ADAMTS3: variants seen among roughly 807,000 people sequenced by gnomAD.
ADAMTS3 encodes the protein A disintegrin and metalloproteinase with thrombospondin motifs 3.
Under a neutral mutation model 129.0 loss-of-function variants are expected in ADAMTS3, and 73 were observed. That is an observed-to-expected ratio of 0.57 (90% CI 0.47 to 0.69). ADAMTS3 has a LOEUF of 0.69. Among genes scored for constraint, ADAMTS3 ranks in the 30% least tolerant of loss-of-function variants. The pLI is 0.00. For missense variants in ADAMTS3, 1,457 were observed against 1,514.5 expected, an observed-to-expected ratio of 0.96 and a Z score of 0.63; for synonymous variants, 477 against 510.8, an observed-to-expected ratio of 0.93 and a Z score of 0.89.
intron 5 of ADAMTS3, among the ~76,000 whole-genome samples, chr4:72,323,492 T>C (rs1467637302): frequency 6.6e-6 from 1 of 152,098 alleles, no homozygotes; most frequent in Admixed American, 6.5e-5. Flanking sequence ...CAGCAAGCAT[T>C]TGCTTACTGG....
intron 3 of ADAMTS3, among the ~76,000 whole-genome samples, chr4:72,531,040 A>C (rs1179292606): frequency 1.3e-5 from 2 of 151,442 alleles, no homozygotes; most frequent in African/African-American, 4.8e-5. Context: ...AGAAATGCCA[A>C]TGCAGCTTCT....
At chr4:72,494,061 G>A (rs187438130) in intron 3 of ADAMTS3, among the ~76,000 whole-genome samples, 149 of 152,058 alleles carry the variant, frequency 9.8e-4, no homozygotes, top group Non-Finnish European at 1.3e-3. Context: ...AGTCTTCTTC[G>A]GGTTTATCAT....
At chr4:72,423,266 C>T (rs1218945854) in intron 3 of ADAMTS3, among the ~76,000 whole-genome samples, 1 of 151,994 alleles carries the variant, frequency 6.6e-6, no homozygotes, top group African/African-American at 2.4e-5. Context: ...GTTCATAGCA[C>T]AGAAATGCAT....
intron 5 of ADAMTS3, 52 bp from the exon 6 acceptor site, chr4:72,323,149 A>C: frequency 4.3e-6 from 6 of 1,411,076 alleles, no homozygotes; most frequent in Non-Finnish European, 6.0e-6. Context: ...CGAGGATTTC[A>C]TGAGATGTAC....
rs562950360 is a variant in ADAMTS3 at position 72,498,137 on chromosome 4, G to T, written c.504+50341C>A. Among the ~76,000 whole-genome samples, 431 of 152,136 alleles carry T rather than the reference G, an allele frequency of 2.8e-3. 4 individuals carry two copies. The highest frequency in any genetic ancestry group is 0.01 in the African/African-American group (418 of 41,556). ...CCGTATAACATATTAAGTAAAATGT[G>T]TCCTTTGTCTTAGAGAGCGAACACT... On this transcript the variant is annotated intron_variant, in intron 3 of 21. Coordinates refer to ENST00000286657, the MANE Select transcript of ADAMTS3 (RefSeq NM_014243.3).
intron 3 of ADAMTS3, among the ~76,000 whole-genome samples, chr4:72,450,272 T>A (rs1198885171): frequency 6.6e-6 from 1 of 151,666 alleles, no homozygotes; most frequent in Non-Finnish European, 1.5e-5. Flanking sequence ...TTTTTTCATT[T>A]CACAGATGCA....
At chr4:72,372,720 C>T (rs1721040596) in intron 4 of ADAMTS3, among the ~76,000 whole-genome samples, 1 of 151,838 alleles carries the variant, frequency 6.6e-6, no homozygotes, top group Admixed American at 6.6e-5. Context: ...ATACCAAAAA[C>T]ATCAGATAAC....
intron 3 of ADAMTS3, among the ~76,000 whole-genome samples, chr4:72,477,780 T>C (rs1278312173): frequency 6.6e-6 from 1 of 151,646 alleles, no homozygotes; most frequent in African/African-American, 2.4e-5. Context: ...ATCAACAAAA[T>C]TGATAGACCA....
chr4:72,334,152 C>T (rs1719925780), intron 5 of ADAMTS3, among the ~76,000 whole-genome samples: 1 of 152,058 alleles, frequency 6.6e-6, no homozygotes, highest in Non-Finnish European at 1.5e-5. Flanking sequence ...TTTTCTTAAT[C>T]ATCATGTCTA....
intron 4 of ADAMTS3, among the ~76,000 whole-genome samples, chr4:72,370,198 C>T (rs564020195): frequency 4.6e-5 from 7 of 152,198 alleles, no homozygotes; most frequent in East Asian, 1.9e-4. Context: ...TCCCAGCCTG[C>T]GCCGAAGATT....
At chr4:72,405,494 G>T (rs1360610663) in intron 4 of ADAMTS3, among the ~76,000 whole-genome samples, 2 of 152,094 alleles carry the variant, frequency 1.3e-5, no homozygotes, top group African/African-American at 2.4e-5. Flanking sequence ...AAGAGAGAAA[G>T]AATTTTCTTA....
intron 2 of ADAMTS3, among the ~76,000 whole-genome samples, chr4:72,564,030 G>C (rs908108638): frequency 6.6e-5 from 10 of 152,130 alleles, no homozygotes; most frequent in African/African-American, 2.4e-4. Flanking sequence ...AGATATCTGA[G>C]AGAGTAAGAT....
chr4:72,453,953 T>G (rs1464633903), intron 3 of ADAMTS3, among the ~76,000 whole-genome samples: 1 of 146,406 alleles, frequency 6.8e-6, no homozygotes, highest in Non-Finnish European at 1.5e-5. Context: ...ATGCACAAAC[T>G]TTTTATCCAA....
chr4:72,437,359 T>C (rs952851491), intron 3 of ADAMTS3, among the ~76,000 whole-genome samples: 4 of 151,764 alleles, frequency 2.6e-5, no homozygotes, highest in African/African-American at 9.7e-5. Flanking sequence ...CATCGAAAAT[T>C]TATCAACCAA....
intron 4 of ADAMTS3, among the ~76,000 whole-genome samples, chr4:72,401,284 G>A (rs1231263689): frequency 6.6e-6 from 1 of 151,728 alleles, no homozygotes; most frequent in African/African-American, 2.4e-5. Flanking sequence ...AATATGCTAT[G>A]GGCTGGGCAC....
At chr4:72,488,511 G>C (rs1200051170) in intron 3 of ADAMTS3, among the ~76,000 whole-genome samples, 1 of 151,774 alleles carries the variant, frequency 6.6e-6, no homozygotes, top group Non-Finnish European at 1.5e-5. Context: ...ATGATCCATT[G>C]CTCATCACTT....
intron 3 of ADAMTS3, among the ~76,000 whole-genome samples, chr4:72,463,971 CG>C (rs1259322801): frequency 6.6e-6 from 1 of 151,848 alleles, no homozygotes; most frequent in Non-Finnish European, 1.5e-5. Flanking sequence ...GCTAAAGGGG[CG>C]CCCATCTCTG....
At chr4:72,307,903 A>G (rs539026439) in intron 15 of ADAMTS3, among the ~76,000 whole-genome samples, 9 of 151,940 alleles carry the variant, frequency 5.9e-5, no homozygotes, top group Non-Finnish European at 1.2e-4. Flanking sequence ...TGACAGATGA[A>G]AATTTTCTAA....
chr4:72,448,038 A>G (rs1248131731), intron 3 of ADAMTS3, among the ~76,000 whole-genome samples: 1 of 151,564 alleles, frequency 6.6e-6, no homozygotes, highest in East Asian at 2.0e-4. Flanking sequence ...TCACTTGATC[A>G]CTCACCTGTC....
Sources: gnomAD v4.1 joint callset for allele counts (sites outside exome capture counted in the v4.1 genomes callset) on GRCh38, gnomAD v4.1.1 for gene constraint, MANE v1.5 for transcripts, NCBI Gene and HGNC (gene_info 2026-07-23, HGNC 2026-07-21) for gene names.